The following TLCD3B variants were observed in gnomAD, a reference collection of about 807,000 sequenced individuals.
The protein encoded by TLCD3B is TLC domain containing 3B.
TLCD3B carries 9 observed loss-of-function variants against 23.0 expected under a neutral mutation model. The observed-to-expected ratio is 0.39, with a 90% CI of 0.24 to 0.68. The LOEUF (loss-of-function observed/expected upper bound fraction) is 0.68, where lower values mean the gene tolerates loss of function less well. Among genes scored for constraint, TLCD3B ranks in the 30% least tolerant of loss-of-function variants. TLCD3B has a pLI of 0.44. For missense variants in TLCD3B, 307 were observed against 371.8 expected (o/e 0.83, Z 1.43); for synonymous variants, 161 against 161.0 (o/e 1.00, Z 0.00).
Position 30,025,353 on chromosome 16 carries a change from C to T in TLCD3B, c.655G>A (p.Ala219Thr), listed in dbSNP as rs1794589305. The T allele has an allele frequency of 1.3e-6, 2 of 1,594,650 alleles. No individual in the cohort carries two copies. Among genetic ancestry groups the T allele is most frequent in the Non-Finnish European group, 1.7e-6 (2 of 1,170,260 alleles). Reference protein sequence around the residue: ...PYLYWAYGRHAGLPLLAVPLA... With the variant: ...PYLYWAYGRHTGLPLLAVPLA... ...GGCACGGCCAGCAGGGGCAGGCCGG[C>T]ATGGCGCCCGTAGGCCCAGTACAGG... Residue 219 changes from alanine to threonine, a missense_variant, in exon 5 of 5, where the codon GCC (alanine) becomes ACC (threonine). By Grantham distance (58) the Ala-to-Thr change is moderately conservative (BLOSUM62 0). Coordinates refer to ENST00000380495, the MANE Select transcript of TLCD3B (RefSeq NM_031478.6). This position sits in a 1 kb window ranked among gnomAD's most constrained non-coding sequence, Gnocchi z 4.1.
rs543458381 is a variant in TLCD3B at position 30,026,943 on chromosome 16, C to T, written c.210-100G>A. The T allele has an allele frequency of 1.6e-5, 17 of 1,037,120 alleles. No homozygotes were observed. In the Admixed American group the frequency reaches 1.8e-4, roughly 11 times the overall value. 64.2% of individuals were successfully genotyped at this position (1,037,120 alleles called of 1,614,324 possible). A position where few individuals can be genotyped will look rare whatever the true frequency, so the allele number is the denominator to read the frequency against. On this transcript the variant is annotated intron_variant, in intron 2 of 4. Transcript: ENST00000380495. ...TCAGCACAGCAGCCCTGGACAGGAG[C>T]GGAGTCTTGGGTACAGATGAGGGAT... is the stretch of plus-strand genomic sequence containing the variant.
intron 3 of TLCD3B, among the ~76,000 whole-genome samples, chr16:30,037,313 C>A (rs1162993768): frequency 1.3e-5 from 2 of 151,336 alleles, no homozygotes; most frequent in African/African-American, 4.9e-5. Flanking sequence ...GAGGCCGAGG[C>A]GGGCAGATCA....
At position 30,027,932 on chromosome 16, in the gene TLCD3B, G is replaced by C. The variant is rs115993720; in HGVS notation, c.210-1089C>G. ...GTTGGGGCTGAGGCCTCTGAGGATG[G>C]GGAGCCTGAGGCAGGCGGCCTGTGA... On this transcript the variant is annotated intron_variant, in intron 2 of 4. Coordinates refer to ENST00000380495, the MANE Select transcript of TLCD3B (RefSeq NM_031478.6). Among the ~76,000 whole-genome samples, 606 of 152,302 alleles carry C rather than the reference G, an allele frequency of 4.0e-3. 3 individuals are homozygous for C. The highest frequency in any genetic ancestry group is 0.014 in the African/African-American group (586 of 41,558).
At chr16:30,035,629 T>C, upstream of TLCD3B, 1 of 592,320 alleles carries the variant, frequency 1.7e-6, no homozygotes. Flanking sequence ...GGCAAACCTC[T>C]TCTCTAAGCT....
chr16:30,046,807 A>C (rs1419135005), intron 1 of TLCD3B, among the ~76,000 whole-genome samples: 1 of 152,198 alleles, frequency 6.6e-6, no homozygotes, highest in Non-Finnish European at 1.5e-5. Context: ...CTAGCCTGGC[A>C]TCCTTGTGCA....
At chr16:30,041,566 C>CA (rs541708114) in intron 2 of TLCD3B, among the ~76,000 whole-genome samples, 70 of 151,676 alleles carry the variant, frequency 4.6e-4, no homozygotes, top group African/African-American at 1.5e-3. Flanking sequence ...TTGTAAAATA[C>CA]AAAAAATTAG....
rs770943688 is a variant in TLCD3B at position 30,026,713 on chromosome 16, C to A, written c.340G>T (p.Ala114Ser). The A allele has an allele frequency of 6.2e-7, 1 of 1,614,038 alleles. No homozygotes were observed. Among genetic ancestry groups the A allele is most frequent in the Admixed American group, 1.7e-5 (1 of 60,014 alleles). ...GCTATGGCCCACGTGCTGCCCGGGG[C>A]TCTGGCCGCTCCGTCGTCCCCTCCA... ...GHGGDDGAAR[A>S]PGSTWAIARG... The change falls in exon 3 of 5, where the codon GCC (alanine) becomes TCC (serine). Residue 114 changes from alanine to serine, a missense_variant. Physicochemically the swap from Ala to Ser is moderately conservative, Grantham distance 99 (BLOSUM62 1). Transcript: ENST00000380495.
At chr16:30,044,852 C>T (rs893628432) in intron 2 of TLCD3B, among the ~76,000 whole-genome samples, 17 of 151,838 alleles carry the variant, frequency 1.1e-4, no homozygotes, top group African/African-American at 2.2e-4. Flanking sequence ...GGCCGGCGGG[C>T]GGCGGGGGGG....
intron 1 of TLCD3B, chr16:30,030,087 T>C: frequency 2.2e-6 from 3 of 1,380,082 alleles, no homozygotes. Context: ...TGTCTGGCCC[T>C]GGCCTCAGTC....
intron 1 of TLCD3B, among the ~76,000 whole-genome samples, chr16:30,049,104 A>G (rs2071714306): frequency 6.6e-6 from 1 of 152,076 alleles, no homozygotes; most frequent in Admixed American, 6.6e-5. Context: ...CAACTGGGCC[A>G]TTATTATTTC....
intron 1 of TLCD3B, chr16:30,052,630 G>C (rs1359805302): frequency 6.6e-6 from 1 of 152,034 alleles, no homozygotes; most frequent in Non-Finnish European, 1.5e-5. Flanking sequence ...ACGGGAGGCG[G>C]AGGTTGCAGT....
At chr16:30,026,540 C>T (rs1050480564) in intron 3 of TLCD3B, 69 bp downstream of exon 3, 1 of 1,409,338 alleles carries the variant, frequency 7.1e-7, no homozygotes, top group Non-Finnish European at 9.8e-7. Context: ...TTCCCAGGCT[C>T]CTGCCAGCAC....
At position 30,026,854 on chromosome 16, in the gene TLCD3B, G is replaced by C; in HGVS notation, c.210-11C>G. 6.2e-7 allele frequency: 1 copy of C among 1,611,648 alleles called. No individual in the cohort carries two copies. Among genetic ancestry groups the C allele is most frequent in the Non-Finnish European group, 8.5e-7 (1 of 1,178,326 alleles). Reference sequence around the variant, plus strand: ...GAGGACAGCCAGTGTCTGTTGGGCAGAGAGACGGGGTGGGGGAGCAAGGAG... The same window carrying C: ...GAGGACAGCCAGTGTCTGTTGGGCACAGAGACGGGGTGGGGGAGCAAGGAG... On this transcript the variant is annotated splice_polypyrimidine_tract_variant and intron_variant, in intron 2 of 4. Coordinates refer to ENST00000380495, the MANE Select transcript of TLCD3B (RefSeq NM_031478.6).
chr16:30,028,472 G>C (rs1304147656), intron 2 of TLCD3B, among the ~76,000 whole-genome samples: 1 of 152,118 alleles, frequency 6.6e-6, no homozygotes, highest in Non-Finnish European at 1.5e-5. Context: ...GCTTGGAGCA[G>C]GGGAGGGAAG....
chr16:30,025,358 C>A lies in TLCD3B; in HGVS notation c.650G>T (p.Arg217Leu). 2 of 1,596,824 alleles carry A rather than the reference C, an allele frequency of 1.3e-6. No homozygotes were observed. Among genetic ancestry groups the A allele is most frequent in the Non-Finnish European group, 1.7e-6 (2 of 1,171,468 alleles). The stretch of plus-strand genomic sequence containing the variant: ...GGCCAGCAGGGGCAGGCCGGCATGG[C>A]GCCCGTAGGCCCAGTACAGGTAGGG... ...LFPYLYWAYG[R>L]HAGLPLLAVP... Residue 217 changes from arginine (R) to leucine (L), a missense_variant, in exon 5 of 5, where the codon CGC (arginine) becomes CTC (leucine). By Grantham distance (102) the Arg-to-Leu change is moderately radical. Coordinates refer to ENST00000380495, the MANE Select transcript of TLCD3B (RefSeq NM_031478.6). This position sits in a 1 kb window ranked among gnomAD's most constrained non-coding sequence, Gnocchi z 4.1.
At chr16:30,026,956 A>T in intron 2 of TLCD3B, 113 bp from the exon 3 acceptor site, 1 of 866,680 alleles carries the variant, frequency 1.2e-6, no homozygotes, top group African/African-American at 1.7e-5. Flanking sequence ...AGTCTTGGGT[A>T]CAGATGAGGG....
intron 1 of TLCD3B, among the ~76,000 whole-genome samples, chr16:30,048,502 T>TA (rs1435721212): frequency 2.6e-5 from 4 of 152,192 alleles, no homozygotes; most frequent in Non-Finnish European, 5.9e-5. Flanking sequence ...CCCTGAGGGT[T>TA]ATCCCCACTT....
chr16:30,025,303 G>C lies in TLCD3B; in HGVS notation c.705C>G (p.Asn235Lys). 6.4e-7 allele frequency: 1 copy of C among 1,559,802 alleles called. No homozygotes were observed. Among genetic ancestry groups the C allele is most frequent in the Non-Finnish European group, 8.7e-7 (1 of 1,151,534 alleles). The change falls in exon 5 of 5, where the codon AAC becomes AAG. Residue 235 changes from asparagine to lysine, a missense_variant. Asn to Lys is a moderately conservative substitution (Grantham distance 94). Transcript: ENST00000380495. This position sits in a 1 kb window ranked among gnomAD's most constrained non-coding sequence, Gnocchi z 4.1. The part of the protein sequence containing the change: ...AVPLAIPAHV[N>K]LGAALLLAPQ... ...GGGCCAGGAGCAGCGCAGCGCCCAG[G>C]TTGACGTGGGCAGGGATGGCCAGGG...
intron 2 of TLCD3B, among the ~76,000 whole-genome samples, chr16:30,041,488 C>T (rs2071579161): frequency 6.6e-6 from 1 of 152,108 alleles, no homozygotes; most frequent in African/African-American, 2.4e-5. Context: ...CTGGTCTGAA[C>T]TCCTGACCTC....
Sources: allele counts gnomAD v4.1 joint callset (sites outside exome capture counted in the v4.1 genomes callset), GRCh38; gene constraint gnomAD v4.1.1; non-coding constraint Gnocchi (gnomAD v3.1); transcripts MANE v1.5; gene names NCBI Gene and HGNC (gene_info 2026-07-23, HGNC 2026-07-21).